Variants in RAB43 observed in about 807,000 individuals in gnomAD.
The protein encoded by RAB43 is RAB43, member RAS oncogene family.
RAB43 carries 6 observed loss-of-function variants against 18.8 expected under a neutral mutation model. The observed-to-expected ratio is 0.32, with a 90% CI of 0.17 to 0.63. RAB43 has a LOEUF of 0.63. Ranked by LOEUF, RAB43 falls within the 30% of genes least tolerant of loss-of-function variation. The pLI is 0.79. For missense variants in RAB43, 195 were observed against 289.1 expected, an observed-to-expected ratio of 0.67 and a Z score of 2.36; for synonymous variants, 103 against 124.1, an observed-to-expected ratio of 0.83 and a Z score of 1.13.
intron 2 of RAB43, among the ~76,000 whole-genome samples, chr3:129,093,627 G>A (rs1933825930): frequency 6.6e-6 from 1 of 151,990 alleles, no homozygotes; most frequent in African/African-American, 2.4e-5. Flanking sequence ...AGCAAGAAAA[G>A]GTGGGGAAAT....
At chr3:129,100,780 C>T (rs1263316076) in intron 1 of RAB43, among the ~76,000 whole-genome samples, 1 of 152,154 alleles carries the variant, frequency 6.6e-6, no homozygotes, top group Admixed American at 6.5e-5. Context: ...CTGTCACCAG[C>T]TTTGTGTCTC....
Position 129,121,696 on chromosome 3 carries a change from C to T in RAB43, c.-207G>A, listed in dbSNP as rs1343351044. ...GGCTGGCTCCCGCCCCGGCCCGGCTCGGCCCCGCCCGGACCCGGTGCCCCG... is the reference window on the plus strand; with the variant it reads ...GGCTGGCTCCCGCCCCGGCCCGGCTTGGCCCCGCCCGGACCCGGTGCCCCG... On this transcript the variant is annotated 5_prime_UTR_variant, in exon 1 of 3. Coordinates refer to ENST00000315150, the MANE Select transcript of RAB43 (RefSeq NM_198490.3). 5 of 338,640 alleles carry T rather than the reference C, an allele frequency of 1.5e-5. No individual in the cohort carries two copies. In the South Asian group the frequency reaches 5.3e-4, roughly 36 times the overall value. 21.0% of individuals were successfully genotyped at this position (338,640 alleles called of 1,614,324 possible).
rs1229490163 is a variant in RAB43, at chr3:129,107,815, TTCCC to T, written c.205-12650_205-12647del. On this transcript the variant is annotated intron_variant, in intron 1 of 2. Coordinates refer to ENST00000315150, the MANE Select transcript of RAB43 (RefSeq NM_198490.3). The surrounding 1 kb of genome is among the most constrained non-coding windows in gnomAD (Gnocchi z 4.2). The stretch of plus-strand genomic sequence containing the variant: ...CCCAACCCTCAAACCATCCCTCCAG[TTCCC>T]TGCTACTTTGGTCATCAACGATGGC... Among the ~76,000 whole-genome samples the T allele has an allele frequency of 6.6e-6, 1 of 152,088 alleles. No individual in the cohort carries two copies. The highest frequency in any genetic ancestry group is 1.5e-5 in the Non-Finnish European group (1 of 68,008).
chr3:129,112,522 A>G (rs1935237221), intron 1 of RAB43, among the ~76,000 whole-genome samples: 1 of 151,902 alleles, frequency 6.6e-6, no homozygotes. Flanking sequence ...AGGGGAAATG[A>G]CTCCCAGCCC....
chr3:129,100,582 C>T (rs1934352714), intron 1 of RAB43, among the ~76,000 whole-genome samples: 1 of 152,198 alleles, frequency 6.6e-6, no homozygotes, highest in Non-Finnish European at 1.5e-5. Flanking sequence ...AAAATAACTA[C>T]TGATTAAGGT....
At chr3:129,093,950 T>A (rs1933847045) in intron 2 of RAB43, among the ~76,000 whole-genome samples, 1 of 152,110 alleles carries the variant, frequency 6.6e-6, no homozygotes, top group Non-Finnish European at 1.5e-5. Flanking sequence ...AAAAAAAGAA[T>A]CAACCTGTTG....
chr3:129,111,667 C>T (rs909557665), intron 1 of RAB43, among the ~76,000 whole-genome samples: 3 of 151,980 alleles, frequency 2.0e-5, no homozygotes, highest in Non-Finnish European at 2.9e-5. Context: ...AAAACTGTAG[C>T]GTCAGAGTTT....
At chr3:129,099,761 A>C (rs1934302103) in intron 1 of RAB43, among the ~76,000 whole-genome samples, 1 of 152,214 alleles carries the variant, frequency 6.6e-6, no homozygotes, top group African/African-American at 2.4e-5. Context: ...GGATGAACTT[A>C]ATAGCAGATT....
chr3:129,104,023 G>A (rs1475825885), intron 1 of RAB43, among the ~76,000 whole-genome samples: 1 of 152,202 alleles, frequency 6.6e-6, no homozygotes, highest in Non-Finnish European at 1.5e-5. Flanking sequence ...GGCACGGGCT[G>A]CATCAGGCTA....
chr3:129,114,702 C>A (rs954078478), intron 1 of RAB43, among the ~76,000 whole-genome samples: 3 of 152,082 alleles, frequency 2.0e-5, no homozygotes, highest in African/African-American at 7.2e-5. Context: ...GGCTAAACAA[C>A]GAACAAGAGG....
intron 1 of RAB43, among the ~76,000 whole-genome samples, chr3:129,101,891 G>A (rs1165503500): frequency 6.6e-6 from 1 of 152,136 alleles, no homozygotes; most frequent in Non-Finnish European, 1.5e-5. Context: ...AGCGCACCCT[G>A]CACTCCAGCC....
intron 2 of RAB43, among the ~76,000 whole-genome samples, chr3:129,091,915 C>CA: frequency 6.6e-6 from 1 of 151,784 alleles, no homozygotes; most frequent in Non-Finnish European, 1.5e-5. Context: ...AAAAAAAATA[C>CA]AAAAAATTAG....
intron 1 of RAB43, among the ~76,000 whole-genome samples, chr3:129,099,869 C>A (rs9861780): frequency 0.8 from 121,996 of 152,040 alleles, 53,239 homozygotes; most frequent in Non-Finnish European, 0.97. Flanking sequence ...TGAATAAAAT[C>A]GGAAGGATAT....
chr3:129,109,404 C>T (rs1197378373), intron 1 of RAB43, among the ~76,000 whole-genome samples: 2 of 144,708 alleles, frequency 1.4e-5, no homozygotes, highest in Non-Finnish European at 3.0e-5. Flanking sequence ...AGCGAGACTC[C>T]GTCTCAAAAA....
chr3:129,097,200 C>A (rs148158396), intron 1 of RAB43, among the ~76,000 whole-genome samples: 35 of 152,202 alleles, frequency 2.3e-4, no homozygotes, highest in African/African-American at 8.2e-4. Flanking sequence ...GAGAACAATA[C>A]AATCAAGGAG....
At chr3:129,098,021 T>G (rs1387742261) in intron 1 of RAB43, among the ~76,000 whole-genome samples, 1 of 151,936 alleles carries the variant, frequency 6.6e-6, no homozygotes, top group African/African-American at 2.4e-5. Flanking sequence ...AAGACATAAG[T>G]AGGGGGAGCC....
intron 1 of RAB43, among the ~76,000 whole-genome samples, chr3:129,116,641 G>A (rs928692903): frequency 6.6e-6 from 1 of 152,200 alleles, no homozygotes; most frequent in Non-Finnish European, 1.5e-5. Context: ...GGAAGCTTGA[G>A]AGTCAAGGCC....
chr3:129,102,321 G>A (rs1934468633), intron 1 of RAB43, among the ~76,000 whole-genome samples: 1 of 152,186 alleles, frequency 6.6e-6, no homozygotes, highest in Non-Finnish European at 1.5e-5. Context: ...AAGACAAGAT[G>A]TGCTCTGGTT....
rs1245459350 is a variant in RAB43 at position 129,107,873 on chromosome 3, T to G, written c.205-12704A>C. Among the ~76,000 whole-genome samples, 3 of 151,884 alleles carry G rather than the reference T, an allele frequency of 2.0e-5. No homozygotes were observed. Among genetic ancestry groups the G allele is most frequent in the Non-Finnish European group, 4.4e-5 (3 of 67,970 alleles). Reference sequence around the variant, plus strand: ...GACTGGCCTCACGAGTCCCTCACCCTCACCCTCCAAGCCACTCGGTCACCT... The same window carrying G: ...GACTGGCCTCACGAGTCCCTCACCCGCACCCTCCAAGCCACTCGGTCACCT... On this transcript the variant is annotated intron_variant, in intron 1 of 2. Coordinates refer to ENST00000315150, the MANE Select transcript of RAB43 (RefSeq NM_198490.3). The surrounding 1 kb of genome is among the most constrained non-coding windows in gnomAD (Gnocchi z 4.2).
Sources: allele counts gnomAD v4.1 joint callset (sites outside exome capture counted in the v4.1 genomes callset), GRCh38; gene constraint gnomAD v4.1.1; non-coding constraint Gnocchi (gnomAD v3.1); transcripts MANE v1.5; gene names NCBI Gene and HGNC (gene_info 2026-07-23, HGNC 2026-07-21).